Variants in VWA3B observed in about 807,000 individuals in gnomAD.
VWA3B encodes von Willebrand factor A domain-containing protein 3B.
A neutral mutation model predicts 158.3 loss-of-function variants in VWA3B; 138 were observed. That is an observed-to-expected ratio of 0.87 (90% CI 0.76 to 1.00). VWA3B has a LOEUF of 1.00. VWA3B is among the 50% of genes least tolerant of loss of function. The pLI is 0.00. For synonymous variants in VWA3B, 596 were observed against 587.3 expected, an observed-to-expected ratio of 1.01 and a Z score of -0.21; for missense variants, 1,555 against 1,565.1, an observed-to-expected ratio of 0.99 and a Z score of 0.11.
intron 9 of VWA3B, among the ~76,000 whole-genome samples, chr2:98,183,803 C>T (rs1182159704): frequency 1.3e-5 from 2 of 152,162 alleles, no homozygotes; most frequent in Non-Finnish European, 2.9e-5. Flanking sequence ...AATCATGTGA[C>T]TTCTTTGAGC....
intron 2 of VWA3B, among the ~76,000 whole-genome samples, chr2:98,111,432 G>A (rs1270034852): frequency 6.6e-5 from 10 of 152,090 alleles, no homozygotes; most frequent in Admixed American, 5.9e-4. Context: ...CCAATAGTGG[G>A]ATCAAAGGGT....
chr2:98,261,455 T>C (rs917269894), intron 21 of VWA3B, among the ~76,000 whole-genome samples: 1 of 151,832 alleles, frequency 6.6e-6, no homozygotes, highest in Non-Finnish European at 1.5e-5. Context: ...CATACAAGAA[T>C]ACTAGTGTTT....
intron 7 of VWA3B, 22 bp from the exon 8 acceptor site, chr2:98,162,829 C>T: frequency 1.2e-6 from 2 of 1,612,538 alleles, no homozygotes; most frequent in South Asian, 1.1e-5. Flanking sequence ...GCCGGCCGCT[C>T]ATGCTGTGTC....
chr2:98,138,126 G>A (rs530737572), intron 7 of VWA3B, among the ~76,000 whole-genome samples: 1 of 152,220 alleles, frequency 6.6e-6, no homozygotes, highest in Admixed American at 6.5e-5. Context: ...CATGCACCTC[G>A]TTTTCAACCT....
At chr2:98,255,184 T>C in intron 20 of VWA3B, among the ~76,000 whole-genome samples, 1 of 112,920 alleles carries the variant, frequency 8.9e-6, no homozygotes, top group East Asian at 2.3e-4. Context: ...CGGCTGATAT[T>C]TTTTTTTTTT....
intron 1 of VWA3B, among the ~76,000 whole-genome samples, chr2:98,090,516 G>A (rs999718356): frequency 6.6e-6 from 1 of 152,170 alleles, no homozygotes; most frequent in African/African-American, 2.4e-5. Context: ...TACTATCCTA[G>A]AGAGGTGGAA....
intron 21 of VWA3B, among the ~76,000 whole-genome samples, chr2:98,268,291 A>G (rs1055971641): frequency 5.9e-5 from 9 of 152,128 alleles, no homozygotes; most frequent in Admixed American, 1.3e-4. Flanking sequence ...AAAATCCTCA[A>G]TAAAATACTG....
intron 8 of VWA3B, among the ~76,000 whole-genome samples, chr2:98,174,405 T>C (rs540173353): frequency 2.6e-5 from 4 of 152,368 alleles, no homozygotes; most frequent in African/African-American, 9.6e-5. Flanking sequence ...ATTCTCATTA[T>C]GTGACCTGTT....
In VWA3B at chr2:98,137,270, C is replaced by T. The variant is rs571200427; in HGVS notation, c.988+3331C>T. On this transcript the variant is annotated intron_variant, in intron 7 of 27. Transcript: ENST00000477737. ...CTGTACCATTTTACATTCCTACCAA[C>T]AGTGCACAAAGTTCCCACATCCTGG... Among the ~76,000 whole-genome samples, 5 of 152,296 alleles carry T rather than the reference C, an allele frequency of 3.3e-5. No individual in the cohort carries two copies. The East Asian group carries it at 9.6e-4, about 29-fold the overall frequency.
chr2:98,124,579 A>G (rs62154876), intron 5 of VWA3B, among the ~76,000 whole-genome samples: 17 of 152,338 alleles, frequency 1.1e-4, no homozygotes, highest in Admixed American at 3.3e-4. Context: ...GAGGATTTGG[A>G]GGTCAGATCC....
chr2:98,092,603 A>C (rs1682397158), intron 1 of VWA3B, among the ~76,000 whole-genome samples: 1 of 152,160 alleles, frequency 6.6e-6, no homozygotes, highest in African/African-American at 2.4e-5. Context: ...AGATTGTGCC[A>C]CTGCACTCCA....
At chr2:98,145,589 C>T (rs907270103) in intron 7 of VWA3B, among the ~76,000 whole-genome samples, 1 of 152,218 alleles carries the variant, frequency 6.6e-6, no homozygotes, top group Non-Finnish European at 1.5e-5. Flanking sequence ...TATTTTCTCT[C>T]TGACATTTTT....
chr2:98,189,252 A>T lies in VWA3B; in HGVS notation c.1466+1123A>T, dbSNP rs980843489. ...GAAACCCTGTCTCTACTAAAGATTC[A>T]AAAAATTAGCTAGGCATGGTGGCGG... On this transcript the variant is annotated intron_variant, in intron 10 of 27. Coordinates refer to ENST00000477737, the MANE Select transcript of VWA3B (RefSeq NM_144992.5). 6.6e-5 allele frequency among the ~76,000 whole-genome samples: 10 copies of T among 152,236 alleles called. No homozygotes were observed. In the East Asian group the frequency reaches 1.4e-3, roughly 21 times the overall value.
At chr2:98,317,133 C>T (rs1240955014), downstream of VWA3B, among the ~76,000 whole-genome samples, 1 of 152,122 alleles carries the variant, frequency 6.6e-6, no homozygotes, top group Non-Finnish European at 1.5e-5. Context: ...GCATGAAAAG[C>T]TTTGAAACAC....
At chr2:98,328,700 GATAAA>G in the VWA3B span, among the ~76,000 whole-genome samples, 1 of 152,086 alleles carries the variant, frequency 6.6e-6, no homozygotes, top group Non-Finnish European at 1.5e-5. Flanking sequence ...AAAATAAGTA[GATAAA>G]TCAAGTTCAT....
intron 2 of VWA3B, among the ~76,000 whole-genome samples, chr2:98,094,974 T>G (rs1682612444): frequency 6.6e-6 from 1 of 152,208 alleles, no homozygotes; most frequent in Non-Finnish European, 1.5e-5. Context: ...TTCTATTCCA[T>G]TGATCTATGT....
intron 7 of VWA3B, among the ~76,000 whole-genome samples, chr2:98,143,012 A>G (rs1283816482): frequency 2.0e-5 from 3 of 152,168 alleles, no homozygotes. Flanking sequence ...CAAAACGATA[A>G]TACGTATATG....
intron 9 of VWA3B, among the ~76,000 whole-genome samples, chr2:98,183,635 C>A (rs1680773345): frequency 6.6e-6 from 1 of 152,128 alleles, no homozygotes; most frequent in African/African-American, 2.4e-5. Flanking sequence ...GTTCAAAAAC[C>A]CATTCTTGTC....
intron 12 of VWA3B, among the ~76,000 whole-genome samples, chr2:98,202,429 T>C (rs1474583213): frequency 6.6e-6 from 1 of 151,680 alleles, no homozygotes; most frequent in Non-Finnish European, 1.5e-5. Flanking sequence ...TTTCTTTTAA[T>C]TTTGTTAATT....
Sources: gnomAD v4.1 joint callset for allele counts (sites outside exome capture counted in the v4.1 genomes callset) on GRCh38, gnomAD v4.1.1 for gene constraint, MANE v1.5 for transcripts, NCBI Gene and HGNC (gene_info 2026-07-23, HGNC 2026-07-21) for gene names.